SLC7A14: variants seen among roughly 807,000 people sequenced by gnomAD.
SLC7A14 encodes the protein solute carrier family 7 member 14, also known as gamma-aminobutyric acid transporter SLC7A14.
In SLC7A14, 37 loss-of-function variants were observed where a neutral mutation model predicts 60.2. The ratio of observed to expected loss-of-function variants is 0.61; its 90% confidence interval spans 0.47 to 0.81. The LOEUF (loss-of-function observed/expected upper bound fraction) is 0.81, where lower values mean the gene tolerates loss of function less well. Ranked by LOEUF, SLC7A14 falls within the 30% of genes least tolerant of loss-of-function variation. SLC7A14 has a pLI of 0.00. For missense variants in SLC7A14, 886 were observed against 982.7 expected (o/e 0.90, Z 1.32); for synonymous variants, 399 against 395.8 (o/e 1.01, Z -0.10).
intron 2 of SLC7A14, among the ~76,000 whole-genome samples, chr3:170,519,514 C>G (rs7636960): frequency 6.6e-6 from 1 of 152,212 alleles, no homozygotes; most frequent in African/African-American, 2.4e-5. Flanking sequence ...CAGTGGCTCA[C>G]GCCTGTAATC....
chr3:170,473,346 A>T (rs1294986151), intron 7 of SLC7A14, among the ~76,000 whole-genome samples: 5 of 152,100 alleles, frequency 3.3e-5, no homozygotes, highest in Admixed American at 6.5e-5. Flanking sequence ...CATATTTCCA[A>T]CTCTGAGGGC....
At chr3:170,581,581 A>G (rs1577579056) in intron 1 of SLC7A14, among the ~76,000 whole-genome samples, 1 of 152,192 alleles carries the variant, frequency 6.6e-6, no homozygotes, top group East Asian at 1.9e-4. Flanking sequence ...TTTTCAGTGA[A>G]ATAAATGACC....
chr3:170,568,310 G>T (rs1421252797), intron 1 of SLC7A14, among the ~76,000 whole-genome samples: 1 of 152,208 alleles, frequency 6.6e-6, no homozygotes, highest in Non-Finnish European at 1.5e-5. Flanking sequence ...TCAAAGATCA[G>T]ATAGTTGTAG....
intron 7 of SLC7A14, among the ~76,000 whole-genome samples, chr3:170,468,360 T>C (rs1297128455): frequency 6.6e-6 from 1 of 152,074 alleles, no homozygotes; most frequent in Non-Finnish European, 1.5e-5. Context: ...TGCAGTGGCA[T>C]GATCTCGGCT....
chr3:170,530,182 G>A (rs1010934807), intron 1 of SLC7A14, among the ~76,000 whole-genome samples: 2 of 152,170 alleles, frequency 1.3e-5, no homozygotes, highest in Admixed American at 6.5e-5. Flanking sequence ...ATAAAATGGG[G>A]GTGATAAAGG....
chr3:170,500,620 GA>G (rs957945706), intron 3 of SLC7A14, among the ~76,000 whole-genome samples: 4 of 151,498 alleles, frequency 2.6e-5, no homozygotes, highest in Non-Finnish European at 5.9e-5. Context: ...TTGAAATTTG[GA>G]AAAAAAATCT....
chr3:170,561,469 T>A (rs768085067), intron 1 of SLC7A14, among the ~76,000 whole-genome samples: 5 of 152,242 alleles, frequency 3.3e-5, no homozygotes, highest in African/African-American at 7.2e-5. Context: ...TAGACTAATC[T>A]GTTGTGGACA....
At chr3:170,528,768 C>G (rs1381061144) in intron 1 of SLC7A14, among the ~76,000 whole-genome samples, 3 of 152,184 alleles carry the variant, frequency 2.0e-5, no homozygotes, top group Non-Finnish European at 4.4e-5. Flanking sequence ...CCTTCCACGT[C>G]CCCTTCCTCC....
Position 170,473,542 on chromosome 3 carries a change from C to A in SLC7A14, c.1994-6165G>T, listed in dbSNP as rs74949437. The stretch of plus-strand genomic sequence containing the variant: ...CTGCCCACTGCAGATAGCTGAGGCA[C>A]TTTGTTATGCCTAGAGGGCTTTTAT... On this transcript the variant is annotated intron_variant, in intron 7 of 7. Transcript: ENST00000231706. Among the ~76,000 whole-genome samples the A allele has an allele frequency of 8.4e-3, 1,281 of 152,284 alleles. 16 individuals are homozygous for A. The highest frequency in any genetic ancestry group is 0.029 in the African/African-American group (1,221 of 41,546).
At chr3:170,486,179 G>C (rs1247499562) in intron 5 of SLC7A14, 43 bp downstream of exon 5, 2 of 1,608,950 alleles carry the variant, frequency 1.2e-6, no homozygotes, top group Admixed American at 3.4e-5. Flanking sequence ...CTCAGTGCCA[G>C]GGCCACATCG....
intron 2 of SLC7A14, among the ~76,000 whole-genome samples, chr3:170,521,885 C>A (rs1713350172): frequency 6.6e-6 from 1 of 151,812 alleles, no homozygotes; most frequent in East Asian, 1.9e-4. Flanking sequence ...CGTGCCATTG[C>A]ACACCAGCCT....
At chr3:170,493,483 C>T (rs1485380309) in intron 4 of SLC7A14, among the ~76,000 whole-genome samples, 2 of 152,180 alleles carry the variant, frequency 1.3e-5, no homozygotes, top group Non-Finnish European at 2.9e-5. Flanking sequence ...TCCATTCCAT[C>T]CTACCTAAAG....
chr3:170,576,208 G>A (rs1715086088), intron 1 of SLC7A14, among the ~76,000 whole-genome samples: 1 of 152,222 alleles, frequency 6.6e-6, no homozygotes, highest in Non-Finnish European at 1.5e-5. Flanking sequence ...CATAATTAGT[G>A]GGGATTACAT....
chr3:170,492,017 C>T (rs781638917), intron 4 of SLC7A14, among the ~76,000 whole-genome samples: 5 of 152,176 alleles, frequency 3.3e-5, no homozygotes, highest in Non-Finnish European at 7.3e-5. Flanking sequence ...ATGAGCTTTT[C>T]TTCCTTGCAA....
intron 3 of SLC7A14, among the ~76,000 whole-genome samples, chr3:170,500,123 T>C (rs11915263): frequency 0.38 from 57,078 of 151,920 alleles, 12,551 homozygotes; most frequent in African/African-American, 0.63. Flanking sequence ...GTTTAGCTTT[T>C]CTAGAATGTG....
chr3:170,569,017 A>G (rs902028685), intron 1 of SLC7A14, among the ~76,000 whole-genome samples: 2 of 151,982 alleles, frequency 1.3e-5, no homozygotes, highest in Non-Finnish European at 2.9e-5. Flanking sequence ...TCCCCTGCCT[A>G]ATTGCCCTGG....
intron 6 of SLC7A14, 90 bp from the exon 7 acceptor site, chr3:170,481,256 G>A: frequency 7.2e-7 from 1 of 1,383,484 alleles, no homozygotes; most frequent in Non-Finnish European, 9.7e-7. Flanking sequence ...CTATCAATAG[G>A]CTGGTGTGAT....
At chr3:170,564,756 G>T (rs1248121639) in intron 1 of SLC7A14, among the ~76,000 whole-genome samples, 1 of 152,144 alleles carries the variant, frequency 6.6e-6, no homozygotes, top group African/African-American at 2.4e-5. Context: ...TGAAATGCCT[G>T]GTGCATACAT....
At chr3:170,573,988 C>T (rs915529045) in intron 1 of SLC7A14, among the ~76,000 whole-genome samples, 2 of 152,142 alleles carry the variant, frequency 1.3e-5, no homozygotes, top group Admixed American at 6.5e-5. Context: ...TCTCTTGGGA[C>T]CTGGGGAGCA....
Sources: gnomAD v4.1 joint callset for allele counts (sites outside exome capture counted in the v4.1 genomes callset) on GRCh38, gnomAD v4.1.1 for gene constraint, MANE v1.5 for transcripts, NCBI Gene and HGNC (gene_info 2026-07-23, HGNC 2026-07-21) for gene names.